Variants in KCNIP1 observed in about 807,000 individuals in gnomAD.
The protein encoded by KCNIP1 is potassium voltage-gated channel interacting protein 1.
A neutral mutation model predicts 33.0 loss-of-function variants in KCNIP1; 18 were observed. The observed-to-expected ratio is 0.55, with a 90% CI of 0.38 to 0.81. KCNIP1 has a LOEUF of 0.81. Among genes scored for constraint, KCNIP1 ranks in the 30% least tolerant of loss-of-function variants. The pLI is 0.00. For synonymous variants in KCNIP1, 93 were observed against 98.3 expected, an observed-to-expected ratio of 0.95 and a Z score of 0.32; for missense variants, 238 against 271.6, an observed-to-expected ratio of 0.88 and a Z score of 0.87.
chr5:170,650,653 A>G (rs1042938998), intron 1 of KCNIP1, among the ~76,000 whole-genome samples: 1 of 152,260 alleles, frequency 6.6e-6, no homozygotes, highest in Non-Finnish European at 1.5e-5. Flanking sequence ...TTACGTGGAA[A>G]TGCTTTCATT....
At chr5:170,356,097 C>T (rs1763340406) in intron 1 of KCNIP1, among the ~76,000 whole-genome samples, 1 of 152,222 alleles carries the variant, frequency 6.6e-6, no homozygotes, top group East Asian at 1.9e-4. Flanking sequence ...TGAGAAAGGC[C>T]TGCAGAGAGT....
At chr5:170,660,703 G>C (rs1382822901) in intron 1 of KCNIP1, among the ~76,000 whole-genome samples, 1 of 152,222 alleles carries the variant, frequency 6.6e-6, no homozygotes, top group African/African-American at 2.4e-5. Flanking sequence ...TCCCACCAAG[G>C]TGGAGCTCCA....
At chr5:170,546,278 TTCTC>T (rs1561679718) in intron 1 of KCNIP1, among the ~76,000 whole-genome samples, 1 of 152,178 alleles carries the variant, frequency 6.6e-6, no homozygotes, top group Non-Finnish European at 1.5e-5. Context: ...GTCAGGCCCT[TTCTC>T]TCTCTCATGG....
intron 1 of KCNIP1, among the ~76,000 whole-genome samples, chr5:170,400,478 C>A (rs954375800): frequency 3.3e-5 from 5 of 152,174 alleles, no homozygotes; most frequent in Non-Finnish European, 7.3e-5. Context: ...CCACCAGGTC[C>A]CTCCCTCAAC....
chr5:170,549,576 G>C (rs1756533944), intron 1 of KCNIP1, among the ~76,000 whole-genome samples: 1 of 152,210 alleles, frequency 6.6e-6, no homozygotes, highest in Non-Finnish European at 1.5e-5. Context: ...GTTTACTGTT[G>C]ATGAAACCAT....
chr5:170,495,519 A>G (rs1459018225), intron 1 of KCNIP1, among the ~76,000 whole-genome samples: 1 of 152,194 alleles, frequency 6.6e-6, no homozygotes, highest in Non-Finnish European at 1.5e-5. Context: ...CACTTTGGAA[A>G]AGCCAGGGTC....
chr5:170,368,655 A>G (rs1318027068), intron 1 of KCNIP1, among the ~76,000 whole-genome samples: 2 of 152,262 alleles, frequency 1.3e-5, no homozygotes, highest in African/African-American at 4.8e-5. Context: ...CATTCACTAA[A>G]TACACATCTT....
At chr5:170,676,855 C>G (rs964507637) in intron 1 of KCNIP1, among the ~76,000 whole-genome samples, 1 of 152,216 alleles carries the variant, frequency 6.6e-6, no homozygotes, top group Non-Finnish European at 1.5e-5. Flanking sequence ...GATTTTGTGA[C>G]TGCTAGAGGC....
At chr5:170,557,873 G>C (rs1017597880) in intron 1 of KCNIP1, among the ~76,000 whole-genome samples, 10 of 152,204 alleles carry the variant, frequency 6.6e-5, no homozygotes, top group Admixed American at 5.9e-4. Context: ...GCATAAGGTT[G>C]TTCTGAAGAT....
chr5:170,461,047 C>T lies in KCNIP1; in HGVS notation c.88+107083C>T, dbSNP rs190570502. ...GAGAATCAAATCAAGAACTCAACCT[C>T]TTTTACAATAGCTGCAAAAAAAATA... On this transcript the variant is annotated intron_variant, in intron 1 of 7. Transcript: ENST00000377360. 3.0e-3 allele frequency among the ~76,000 whole-genome samples: 450 copies of T among 152,238 alleles called. 4 individuals carry two copies. Among genetic ancestry groups the T allele is most frequent in the African/African-American group, 0.01 (422 of 41,540 alleles).
chr5:170,671,839 T>C (rs1462352100), intron 1 of KCNIP1, among the ~76,000 whole-genome samples: 1 of 152,244 alleles, frequency 6.6e-6, no homozygotes, highest in Non-Finnish European at 1.5e-5. Context: ...ACTTTCTTTG[T>C]GCTGGGCTTA....
intron 1 of KCNIP1, among the ~76,000 whole-genome samples, chr5:170,649,046 C>G (rs921684364): frequency 3.3e-5 from 5 of 152,146 alleles, no homozygotes; most frequent in African/African-American, 1.2e-4. Context: ...AACTCTTACA[C>G]ATTACTGATG....
At position 170,490,132 on chromosome 5, in the gene KCNIP1, A is replaced by G. The variant is rs537856130; in HGVS notation, c.88+136168A>G. ...ACATTGAGATACTCAGTAAGCCATG[A>G]GAAGCGCTGTGTGACCATGACTGAG... On this transcript the variant is annotated intron_variant, in intron 1 of 7. Coordinates refer to the KCNIP1 transcript ENST00000377360. 2.0e-4 allele frequency among the ~76,000 whole-genome samples: 31 copies of G among 152,360 alleles called. No homozygotes were observed. In the South Asian group the frequency reaches 6.4e-3, roughly 32 times the overall value.
At chr5:170,363,251 G>A (rs1422407593) in intron 1 of KCNIP1, among the ~76,000 whole-genome samples, 1 of 152,202 alleles carries the variant, frequency 6.6e-6, no homozygotes, top group African/African-American at 2.4e-5. Flanking sequence ...GAACACGCCT[G>A]GTCAAACCTG....
intron 1 of KCNIP1, among the ~76,000 whole-genome samples, chr5:170,599,267 T>C (rs1458612701): frequency 6.6e-6 from 1 of 152,148 alleles, no homozygotes; most frequent in Non-Finnish European, 1.5e-5. Context: ...CTAGCTATTA[T>C]GATTACAATG....
chr5:170,486,240 G>C (rs966631088), intron 1 of KCNIP1: 1 of 152,134 alleles, frequency 6.6e-6, no homozygotes, highest in African/African-American at 2.4e-5. Flanking sequence ...AGTAACAAAG[G>C]CCCTGTTGCT....
chr5:170,718,631 C>T, intron 1 of KCNIP1, 127 bp from the exon 2 acceptor site: 2 of 1,048,904 alleles, frequency 1.9e-6, no homozygotes, highest in Admixed American at 2.2e-5. Flanking sequence ...AGGCCATTGG[C>T]AGTGTGACCC....
At chr5:170,550,636 A>G (rs976248769) in intron 1 of KCNIP1, among the ~76,000 whole-genome samples, 4 of 152,092 alleles carry the variant, frequency 2.6e-5, no homozygotes, top group African/African-American at 9.7e-5. Flanking sequence ...GATGATGGTG[A>G]TGACAATGAT....
intron 1 of KCNIP1, among the ~76,000 whole-genome samples, chr5:170,419,683 T>C (rs1203447189): frequency 1.3e-5 from 2 of 152,222 alleles, no homozygotes; most frequent in Admixed American, 1.3e-4. Flanking sequence ...AGGGAAACTG[T>C]ATAATTCATT....
Sources: gnomAD v4.1 joint callset for allele counts (sites outside exome capture counted in the v4.1 genomes callset) on GRCh38, gnomAD v4.1.1 for gene constraint, MANE v1.5 for transcripts, NCBI Gene and HGNC (gene_info 2026-07-23, HGNC 2026-07-21) for gene names.